PHF14: variants seen among roughly 807,000 people sequenced by gnomAD.
PHF14 encodes PHD finger protein 14.
Under a neutral mutation model 117.9 loss-of-function variants are expected in PHF14, and 55 were observed. The ratio of observed to expected loss-of-function variants is 0.47; its 90% confidence interval spans 0.38 to 0.58. The LOEUF (loss-of-function observed/expected upper bound fraction) is 0.58. Among genes scored for constraint, PHF14 ranks in the 20% least tolerant of loss-of-function variants. The pLI, the probability that PHF14 is intolerant of heterozygous loss-of-function variation, is 0.00. For missense variants in PHF14, 978 were observed against 1,122.2 expected (o/e 0.87, Z 1.84); for synonymous variants, 409 against 368.6 (o/e 1.11, Z -1.26).
chr7:11,041,983 C>T (rs1264224667), intron 12 of PHF14, among the ~76,000 whole-genome samples: 1 of 151,424 alleles, frequency 6.6e-6, no homozygotes, highest in East Asian at 1.9e-4. Context: ...TGCTTGTGTA[C>T]GCAGGTGTAG....
At chr7:10,974,386 CGGTGGGAGCAGGGCAGG>C in intron 1 of PHF14, 62 bp downstream of exon 1, 1 of 1,437,940 alleles carries the variant, frequency 7.0e-7, no homozygotes, top group Non-Finnish European at 9.6e-7. Context: ...AAGTCAGGGC[CGGTGGGAGCAGGGCAGG>C]GGTGGGAGAG....
At chr7:11,089,198 A>G (rs1482394852) in intron 16 of PHF14, among the ~76,000 whole-genome samples, 1 of 152,164 alleles carries the variant, frequency 6.6e-6, no homozygotes, top group East Asian at 1.9e-4. Context: ...CTCATATTCA[A>G]ATGAAATAAA....
At chr7:11,102,782 T>A (rs1787136062) in intron 16 of PHF14, 1 of 1,362,004 alleles carries the variant, frequency 7.3e-7, no homozygotes. Flanking sequence ...TTTGCACTTA[T>A]CAGAAATATT....
At chr7:11,063,760 AT>A in intron 16 of PHF14, 1 of 777,130 alleles carries the variant, frequency 1.3e-6, no homozygotes, top group Non-Finnish European at 1.6e-6. Context: ...AACCCATCAT[AT>A]TTTAGTCGTT....
intron 17 of PHF14, among the ~76,000 whole-genome samples, chr7:11,125,755 T>C (rs7800938): frequency 6.6e-6 from 1 of 152,104 alleles, no homozygotes; most frequent in Non-Finnish European, 1.5e-5. Context: ...TATATTCATA[T>C]GATAAATCTA....
intron 16 of PHF14, among the ~76,000 whole-genome samples, chr7:11,095,907 C>T (rs112959261): frequency 0.013 from 1,949 of 151,790 alleles, 32 homozygotes; most frequent in African/African-American, 0.045. Context: ...TCTAGTTGTT[C>T]TCTAGTCAGG....
At chr7:11,059,865 T>TTTCTA (rs915110936) in intron 14 of PHF14, among the ~76,000 whole-genome samples, 47 of 152,234 alleles carry the variant, frequency 3.1e-4, no homozygotes, top group African/African-American at 1.1e-3. Flanking sequence ...TTTTGTCAAA[T>TTTCTA]TTTTATTTTA....
At chr7:11,062,609 T>G in intron 16 of PHF14, 3 of 807,266 alleles carry the variant, frequency 3.7e-6, no homozygotes, top group Non-Finnish European at 4.5e-6. Context: ...TAGGTTGATT[T>G]TATTTTTTGT....
At chr7:11,138,672 A>ATATC (rs1294670143) in intron 17 of PHF14, among the ~76,000 whole-genome samples, 7 of 152,336 alleles carry the variant, frequency 4.6e-5, no homozygotes, top group Middle Eastern at 3.4e-3. Context: ...TCTCACTTGC[A>ATATC]TATCATTCGT....
At chr7:11,066,472 A>G (rs1220848729) in intron 16 of PHF14, among the ~76,000 whole-genome samples, 1 of 152,106 alleles carries the variant, frequency 6.6e-6, no homozygotes, top group Non-Finnish European at 1.5e-5. Flanking sequence ...GGTTATTGTT[A>G]TTTCCTATCT....
intron 17 of PHF14, among the ~76,000 whole-genome samples, chr7:11,150,121 A>G (rs995472675): frequency 3.3e-5 from 5 of 152,144 alleles, no homozygotes; most frequent in Non-Finnish European, 5.9e-5. Flanking sequence ...ATATTGAGGT[A>G]TAACAATATG....
At chr7:11,002,704 A>G (rs1443360346) in intron 4 of PHF14, among the ~76,000 whole-genome samples, 1 of 152,136 alleles carries the variant, frequency 6.6e-6, no homozygotes, top group African/African-American at 2.4e-5. Context: ...TCTGCCTCCC[A>G]AAGTGCTGGG....
intron 16 of PHF14, chr7:11,106,061 A>C: frequency 1.0e-6 from 1 of 983,790 alleles, no homozygotes; most frequent in Non-Finnish European, 1.2e-6. Context: ...GGAAATGTCT[A>C]ATTCTTCTCT....
At chr7:11,143,678 C>G (rs1788461416) in intron 17 of PHF14, among the ~76,000 whole-genome samples, 1 of 152,024 alleles carries the variant, frequency 6.6e-6, no homozygotes, top group East Asian at 1.9e-4. Flanking sequence ...CATTATTTAA[C>G]AAATATCTAC....
At chr7:11,028,950 C>T (rs966553847) in intron 7 of PHF14, 132 bp downstream of exon 7, 6 of 741,748 alleles carry the variant, frequency 8.1e-6, no homozygotes, top group African/African-American at 1.8e-5. Flanking sequence ...GATCACTGTT[C>T]TAAAACTTTA....
At chr7:11,145,434 C>T (rs966139917) in intron 17 of PHF14, among the ~76,000 whole-genome samples, 1 of 152,014 alleles carries the variant, frequency 6.6e-6, no homozygotes, top group African/African-American at 2.4e-5. Flanking sequence ...GTTGCTAAAA[C>T]TTATATAGAC....
At chr7:11,000,720 A>T (rs934709618) in intron 4 of PHF14, among the ~76,000 whole-genome samples, 84 of 152,022 alleles carry the variant, frequency 5.5e-4, no homozygotes, top group African/African-American at 1.9e-3. Context: ...TTGTTTTCTT[A>T]TTGTTAAGTT....
intron 14 of PHF14, among the ~76,000 whole-genome samples, chr7:11,056,349 A>G (rs1224253845): frequency 6.6e-6 from 1 of 152,172 alleles, no homozygotes; most frequent in South Asian, 2.1e-4. Flanking sequence ...TTATAGCAGC[A>G]CTTACTTGTC....
intron 4 of PHF14, among the ~76,000 whole-genome samples, chr7:10,993,074 C>T (rs146876185): frequency 7.2e-4 from 109 of 152,244 alleles, no homozygotes; most frequent in Middle Eastern, 3.4e-3. Context: ...TGTGCAGTTA[C>T]TGGTGATATT....
Sources: allele counts gnomAD v4.1 joint callset (sites outside exome capture counted in the v4.1 genomes callset), GRCh38; gene constraint gnomAD v4.1.1; transcripts MANE v1.5; gene names NCBI Gene and HGNC (gene_info 2026-07-23, HGNC 2026-07-21).